CEP112: variants seen among roughly 807,000 people sequenced by gnomAD.
CEP112 encodes the protein centrosomal protein of 112 kDa.
A neutral mutation model predicts 153.0 loss-of-function variants in CEP112; 127 were observed. The observed-to-expected ratio is 0.83, with a 90% CI of 0.72 to 0.96. The LOEUF is 0.96. Ranked by LOEUF, CEP112 falls within the 40% of genes least tolerant of loss-of-function variation. The pLI is 0.00. For synonymous variants in CEP112, 358 were observed against 374.4 expected (o/e 0.96, Z 0.51); for missense variants, 1,089 against 1,101.2 (o/e 0.99, Z 0.16).
chr17:65,802,301 G>C (rs1281181467), intron 21 of CEP112, among the ~76,000 whole-genome samples: 1 of 152,120 alleles, frequency 6.6e-6, no homozygotes, highest in Non-Finnish European at 1.5e-5. Flanking sequence ...GTTTGCTACA[G>C]GGTTACATTC....
At chr17:65,946,438 T>TC (rs2061651673) in intron 18 of CEP112, among the ~76,000 whole-genome samples, 2 of 152,198 alleles carry the variant, frequency 1.3e-5, no homozygotes, top group Admixed American at 1.3e-4. Flanking sequence ...GTCATTTTTT[T>TC]CCCCATTGCA....
chr17:65,779,051 C>T (rs1422851919), intron 21 of CEP112, among the ~76,000 whole-genome samples: 1 of 151,846 alleles, frequency 6.6e-6, no homozygotes, highest in African/African-American at 2.4e-5. Context: ...TTTTATATGC[C>T]ATAAATAGTT....
At chr17:65,882,014 T>G (rs2059096054) in intron 20 of CEP112, among the ~76,000 whole-genome samples, 1 of 152,240 alleles carries the variant, frequency 6.6e-6, no homozygotes, top group African/African-American at 2.4e-5. Flanking sequence ...TTCATGGACA[T>G]GGTAGCCTCC....
At chr17:65,685,458 C>G (rs1014388109) in intron 24 of CEP112, among the ~76,000 whole-genome samples, 1 of 152,032 alleles carries the variant, frequency 6.6e-6, no homozygotes, top group African/African-American at 2.4e-5. Flanking sequence ...ACAATATTTG[C>G]TTGAAAAGAA....
chr17:65,952,394 C>T (rs1196789617), intron 18 of CEP112, among the ~76,000 whole-genome samples: 2 of 151,962 alleles, frequency 1.3e-5, no homozygotes, highest in Non-Finnish European at 2.9e-5. Flanking sequence ...CTTCTGCTTG[C>T]ATATTCTTTC....
chr17:65,894,878 C>T (rs1446005698), intron 20 of CEP112, among the ~76,000 whole-genome samples: 1 of 152,104 alleles, frequency 6.6e-6, no homozygotes, highest in East Asian at 1.9e-4. Context: ...TTGCATATCT[C>T]TTTAGAGTTT....
intron 6 of CEP112, among the ~76,000 whole-genome samples, chr17:66,113,615 C>A (rs2069155198): frequency 6.6e-6 from 1 of 152,062 alleles, no homozygotes; most frequent in Admixed American, 6.6e-5. Flanking sequence ...TCTTTAAAAG[C>A]CATTAAATAA....
At chr17:65,804,826 C>A (rs571568071) in intron 21 of CEP112, among the ~76,000 whole-genome samples, 1 of 151,922 alleles carries the variant, frequency 6.6e-6, no homozygotes, top group Non-Finnish European at 1.5e-5. Context: ...TAGGTGAGGG[C>A]CACAGTCCAT....
At chr17:66,105,993 G>C (rs2068765634) in intron 6 of CEP112, among the ~76,000 whole-genome samples, 1 of 151,748 alleles carries the variant, frequency 6.6e-6, no homozygotes, top group East Asian at 1.9e-4. Context: ...ATCAATAACA[G>C]GAAGAATTTT....
intron 18 of CEP112, among the ~76,000 whole-genome samples, chr17:65,955,168 G>A (rs1205829433): frequency 6.6e-6 from 1 of 152,114 alleles, no homozygotes. Context: ...CAGACTTCTT[G>A]GCAGAAACCC....
intron 17 of CEP112, among the ~76,000 whole-genome samples, chr17:65,989,618 C>CA (rs2063525719): frequency 6.6e-6 from 1 of 152,062 alleles, no homozygotes; most frequent in Non-Finnish European, 1.5e-5. Flanking sequence ...AAATGCTAAA[C>CA]AGAGTTTTTC....
At chr17:66,035,394 C>T (rs1256493941) in intron 12 of CEP112, among the ~76,000 whole-genome samples, 2 of 152,022 alleles carry the variant, frequency 1.3e-5, no homozygotes, top group African/African-American at 4.8e-5. Flanking sequence ...GCTACTTGCC[C>T]ATCCTTATTT....
chr17:65,961,763 A>G (rs2062212462), intron 17 of CEP112, among the ~76,000 whole-genome samples, 165 bp from the exon 18 acceptor site: 1 of 152,248 alleles, frequency 6.6e-6, no homozygotes, highest in African/African-American at 2.4e-5. Flanking sequence ...AATTTGTCTC[A>G]AGAGAAAAAG....
At chr17:65,877,214 T>C (rs192491206) in intron 20 of CEP112, among the ~76,000 whole-genome samples, 103 of 152,316 alleles carry the variant, frequency 6.8e-4, no homozygotes, top group African/African-American at 2.3e-3. Flanking sequence ...CAGGGAAGCC[T>C]GCTAAGCCCA....
chr17:66,183,808 A>G lies in CEP112; in HGVS notation c.-8-501T>C, dbSNP rs544987052. Among the ~76,000 whole-genome samples the G allele has an allele frequency of 2.0e-5, 3 of 152,322 alleles. No homozygotes were observed. In the South Asian group the frequency reaches 6.2e-4, roughly 32 times the overall value. ...AACTTCAACCTAAACTTCATCCTGT[A>G]TATAAAAATTAACTCAATATGAATC... On this transcript the variant is annotated intron_variant, in intron 1 of 26. Transcript: ENST00000535342.
chr17:65,987,629 G>C (rs1055456079), intron 17 of CEP112, among the ~76,000 whole-genome samples: 2 of 151,996 alleles, frequency 1.3e-5, no homozygotes, highest in Admixed American at 1.3e-4. Context: ...CTCCCACACA[G>C]AAAACCAAAA....
chr17:66,101,161 G>T (rs753319048), intron 6 of CEP112, among the ~76,000 whole-genome samples: 3 of 151,976 alleles, frequency 2.0e-5, no homozygotes, highest in Non-Finnish European at 4.4e-5. Context: ...AAAAAGATTA[G>T]ACATTTATAA....
At chr17:65,740,338 T>G (rs1041072397) in intron 23 of CEP112, among the ~76,000 whole-genome samples, 9 of 152,208 alleles carry the variant, frequency 5.9e-5, no homozygotes, top group African/African-American at 1.9e-4. Flanking sequence ...AACAAGCATC[T>G]TTTTGATTAG....
chr17:65,670,479 G>A (rs12601531), intron 24 of CEP112, among the ~76,000 whole-genome samples: 55,472 of 151,646 alleles, frequency 0.37, 10,295 homozygotes, highest in Middle Eastern at 0.52. Context: ...TTTAAAAACT[G>A]AATAACAACA....
Sources: gnomAD v4.1 joint callset for allele counts (sites outside exome capture counted in the v4.1 genomes callset) on GRCh38, gnomAD v4.1.1 for gene constraint, MANE v1.5 for transcripts, NCBI Gene and HGNC (gene_info 2026-07-23, HGNC 2026-07-21) for gene names.